Variants in TBX1 observed in about 807,000 individuals in gnomAD.
TBX1 encodes T-box transcription factor 1.
A neutral mutation model predicts 40.8 loss-of-function variants in TBX1; 16 were observed. The ratio of observed to expected loss-of-function variants is 0.39; its 90% CI spans 0.27 to 0.60. TBX1 has a LOEUF of 0.60. Ranked by LOEUF, TBX1 falls within the 20% of genes least tolerant of loss-of-function variation. TBX1 has a pLI of 0.51. For synonymous variants in TBX1, 403 were observed against 336.8 expected (o/e 1.20, Z -2.15); for missense variants, 755 against 728.5 (o/e 1.04, Z -0.42).
chr22:19,761,023 C>T lies in TBX1; in HGVS notation c.180C>T (p.Asp60=). Residue 60 remains aspartate, a synonymous_variant, in exon 1 of 7, where the codon GAC becomes GAT. Coordinates refer to ENST00000649276, the MANE Select transcript of TBX1 (RefSeq NM_001379200.1). The part of the protein sequence containing the change: ...REPPPPPPRY[D]PCAAAAPGAP... ...CCCCGCCGCCGCCGCCGCGCTACGA[C>T]CCGTGCGCCGCCGCCGCCCCCGGCG... is the stretch of plus-strand genomic sequence containing the variant. The T allele has an allele frequency of 1.1e-6, 1 of 900,138 alleles. No individual in the cohort carries two copies. The highest frequency in any genetic ancestry group is 1.3e-6 in the Non-Finnish European group (1 of 755,432). 55.8% of individuals were successfully genotyped at this position (900,138 alleles called of 1,614,324 possible). A position where few individuals can be genotyped will look rare whatever the true frequency, so the allele number is the denominator to read the frequency against.
chr22:19,782,620 C>T (rs1937152628), downstream of TBX1, among the ~76,000 whole-genome samples: 1 of 152,120 alleles, frequency 6.6e-6, no homozygotes, highest in Non-Finnish European at 1.5e-5. Flanking sequence ...CCTTCCTTGT[C>T]AGTGTCTTAT....
At position 19,764,272 on chromosome 22, in the gene TBX1, C is replaced by A. The variant is rs141186024; in HGVS notation, c.657C>A (p.Ile219=). The part of the protein sequence containing the change: ...PAKGAQWMKQ[I]VSFDKLKLTN... Reference sequence around the variant, plus strand: ...AGGGCGCGCAGTGGATGAAGCAAATCGTGTCCTTCGACAAGCTCAAGCTGA... The same window carrying A: ...AGGGCGCGCAGTGGATGAAGCAAATAGTGTCCTTCGACAAGCTCAAGCTGA... Residue 219 remains isoleucine (I), a synonymous_variant, in exon 3 of 7, where the codon ATC becomes ATA. Coordinates refer to ENST00000649276, the MANE Select transcript of TBX1 (RefSeq NM_001379200.1). The A allele has an allele frequency of 2.5e-6, 4 of 1,613,444 alleles. No homozygotes were observed. Among genetic ancestry groups the A allele is most frequent in the African/African-American group, 1.3e-5 (1 of 75,056 alleles).
chr22:19,756,987 T>C (rs5748417), upstream of TBX1, among the ~76,000 whole-genome samples: 48,321 of 151,758 alleles, frequency 0.32, 9,036 homozygotes, highest in African/African-American at 0.51. Context: ...CCTATCCTGC[T>C]GCGCGATGGA....
At chr22:19,777,052 TTTTAA>T (rs754310642) in intron 8 of TBX1, among the ~76,000 whole-genome samples, 7 of 149,558 alleles carry the variant, frequency 4.7e-5, no homozygotes, top group Non-Finnish European at 7.4e-5. Context: ...TTTTAAAAAA[TTTTAA>T]TTTAATATAA....
intron 6 of TBX1, 132 bp from the exon 7 acceptor site, chr22:19,766,257 C>T (rs1299288197): frequency 1.2e-5 from 14 of 1,166,274 alleles, no homozygotes; most frequent in Admixed American, 4.7e-5. Context: ...GGGTCTCGGG[C>T]ACGCTGGCAC....
chr22:19,771,740 C>G (rs1936993520), downstream of TBX1, among the ~76,000 whole-genome samples: 2 of 152,202 alleles, frequency 1.3e-5, no homozygotes, highest in Admixed American at 1.3e-4. Context: ...TTTTTGCCTG[C>G]ATTTCAACAC....
rs111605258 is a variant in TBX1 at position 19,766,519 on chromosome 22, C to A, written c.1167C>A (p.Gly389=). ...CGCTGCCCGGGGCCGGCGGCGCCGG[C>A]GGCTTAGTCCCGCTGCCCGGCGCGC... ...SPSLPGAGGA[G]GLVPLPGAPG... The change falls in exon 7 of 7, where the codon GGC becomes GGA. Residue 389 remains glycine, a synonymous_variant. Transcript: ENST00000649276. 3 of 1,308,620 alleles carry A rather than the reference C, an allele frequency of 2.3e-6. No individual in the cohort carries two copies. The East Asian group carries it at 9.7e-5, about 42-fold the overall frequency. 81.1% of individuals were successfully genotyped at this position (1,308,620 alleles called of 1,614,324 possible).
chr22:19,776,225 C>T (rs920713878), intron 8 of TBX1, among the ~76,000 whole-genome samples: 8 of 152,108 alleles, frequency 5.3e-5, no homozygotes, highest in African/African-American at 1.7e-4. Flanking sequence ...CCCGTGGTCT[C>T]CCTCTCTCTC....
chr22:19,777,322 G>A (rs1001038610), intron 8 of TBX1, among the ~76,000 whole-genome samples: 1 of 148,246 alleles, frequency 6.7e-6, no homozygotes, highest in African/African-American at 2.5e-5. Context: ...TTGGTTTTTT[G>A]TCCTTGCGAT....
chr22:19,779,356 C>T (rs1937114890), exon 9 of TBX1: 2 of 1,614,140 alleles, frequency 1.2e-6, no homozygotes, highest in East Asian at 2.2e-5. Context: ...GCCAACCCTT[C>T]AATACCCAGG....
downstream of TBX1, among the ~76,000 whole-genome samples, chr22:19,768,727 C>T (rs1358510043): frequency 2.6e-5 from 4 of 152,122 alleles, no homozygotes; most frequent in East Asian, 3.9e-4. Flanking sequence ...CATTCGAGAC[C>T]TCCGCCTTGG....
chr22:19,767,170 T>G lies in TBX1; in HGVS notation c.*303T>G, dbSNP rs1168343385. The G allele has an allele frequency of 9.5e-6, 11 of 1,163,908 alleles. No individual in the cohort carries two copies. The highest frequency in any genetic ancestry group is 1.2e-5 in the Non-Finnish European group (11 of 943,040). The allele number at this position is 1,163,908 out of a possible 1,614,324, so 72.1% of individuals were successfully genotyped here. ...CGGTCGGAGGCGGAAGGAAGTGATA[T>G]TTATTGTTCTCCCCGAGACCGCGTC... On this transcript the variant is annotated 3_prime_UTR_variant, in exon 7 of 7. Coordinates refer to ENST00000649276, the MANE Select transcript of TBX1 (RefSeq NM_001379200.1).
At chr22:19,767,458 C>G (rs183743000), downstream of TBX1, 1 of 904,954 alleles carries the variant, frequency 1.1e-6, no homozygotes. Flanking sequence ...GACTGTAGGT[C>G]GGTCCCGGTC....
At position 19,767,068 on chromosome 22, in the gene TBX1, C is replaced by G; in HGVS notation, c.*201C>G. Reference sequence around the variant, plus strand: ...TGGGCTATCGAAGTATCCGGTTCCCCAGTCCCTGGAGCCACCGCGGGTCCT... The same window carrying G: ...TGGGCTATCGAAGTATCCGGTTCCCGAGTCCCTGGAGCCACCGCGGGTCCT... On this transcript the variant is annotated 3_prime_UTR_variant, in exon 7 of 7. Transcript: ENST00000649276. The G allele has an allele frequency of 1.6e-6, 2 of 1,286,168 alleles. No individual in the cohort carries two copies. The highest frequency in any genetic ancestry group is 2.0e-6 in the Non-Finnish European group (2 of 1,019,790). The allele number at this position is 1,286,168 out of a possible 1,614,324, so 79.7% of individuals were successfully genotyped here.
intron 8 of TBX1, among the ~76,000 whole-genome samples, chr22:19,773,094 C>T (rs1312398898): frequency 6.6e-6 from 1 of 152,218 alleles, no homozygotes; most frequent in Admixed American, 6.5e-5. Context: ...TCAGAGCTTA[C>T]GAGCACGGGC....
upstream of TBX1, chr22:19,759,722 C>T (rs1311856683): frequency 6.2e-7 from 1 of 1,605,848 alleles, no homozygotes; most frequent in South Asian, 1.1e-5. Flanking sequence ...CGCCAGACCC[C>T]CTGCCTCAGC....
downstream of TBX1, among the ~76,000 whole-genome samples, chr22:19,768,362 C>T (rs1039710096): frequency 6.6e-6 from 1 of 152,144 alleles, no homozygotes; most frequent in Non-Finnish European, 1.5e-5. Context: ...GCTCTGGCGG[C>T]GTGAAGTGAG....
chr22:19,764,175 C>G lies in TBX1; in HGVS notation c.560C>G (p.Ser187Cys). 1 of 1,612,952 alleles carries G rather than the reference C, an allele frequency of 6.2e-7. No individual in the cohort carries two copies. Among genetic ancestry groups the G allele is most frequent in the Non-Finnish European group, 8.5e-7 (1 of 1,179,894 alleles). Reference protein sequence around the residue: ...KRYRYAFHSSSWLVAGKADPA... With the variant: ...KRYRYAFHSSCWLVAGKADPA... Reference sequence around the variant, plus strand: ...TCCAGGTACGCCTTCCACAGCTCCTCCTGGCTGGTGGCGGGGAAGGCCGAC... The same window carrying G: ...TCCAGGTACGCCTTCCACAGCTCCTGCTGGCTGGTGGCGGGGAAGGCCGAC... The change falls in exon 3 of 7, where the codon TCC becomes TGC. Residue 187 changes from serine to cysteine, a missense_variant. Coordinates refer to ENST00000649276, the MANE Select transcript of TBX1 (RefSeq NM_001379200.1).
chr22:19,764,138 A>C lies in TBX1; in HGVS notation c.540-17A>C, dbSNP rs750770662. On this transcript the variant is annotated splice_polypyrimidine_tract_variant and intron_variant, in intron 2 of 6. Coordinates refer to ENST00000649276, the MANE Select transcript of TBX1 (RefSeq NM_001379200.1). ...GGTTCACCTCCACATGCACGACCCC[A>C]CCCCGTGCCGCTCCAGGTACGCCTT... 20 of 1,612,146 alleles carry C rather than the reference A, an allele frequency of 1.2e-5. No individual in the cohort carries two copies. The East Asian group carries it at 3.6e-4, about 29-fold the overall frequency.
Sources: allele counts gnomAD v4.1 joint callset (sites outside exome capture counted in the v4.1 genomes callset), GRCh38; gene constraint gnomAD v4.1.1; transcripts MANE v1.5; gene names NCBI Gene and HGNC (gene_info 2026-07-23, HGNC 2026-07-21).